Variants in NTAQ1 observed in about 807,000 individuals in gnomAD.
The protein encoded by NTAQ1 is protein N-terminal glutamine amidohydrolase.
In NTAQ1, 21 loss-of-function variants were observed where a neutral mutation model predicts 28.2. The observed-to-expected ratio is 0.74, with a 90% CI of 0.53 to 1.07. The LOEUF is 1.07. Ranked by LOEUF, NTAQ1 falls within the 50% of genes least tolerant of loss-of-function variation. The pLI is 0.00. For missense variants in NTAQ1, 264 were observed against 256.6 expected (o/e 1.03, Z -0.20); for synonymous variants, 105 against 90.0 (o/e 1.17, Z -0.94).
chr8:123,433,277 A>AT (rs112861550), intron 3 of NTAQ1, among the ~76,000 whole-genome samples: 3 of 152,268 alleles, frequency 2.0e-5, no homozygotes, highest in African/African-American at 7.2e-5. Flanking sequence ...AACTTACTAG[A>AT]GAGTTGTGAA....
At chr8:123,459,775 G>A (rs1164291424) in intron 6 of NTAQ1, among the ~76,000 whole-genome samples, 2 of 151,716 alleles carry the variant, frequency 1.3e-5, no homozygotes, top group African/African-American at 2.4e-5. Context: ...CCAGGAACTT[G>A]GGGTGGAGAC....
At chr8:123,448,803 T>A (rs1194602480), downstream of NTAQ1, among the ~76,000 whole-genome samples, 4 of 152,164 alleles carry the variant, frequency 2.6e-5, no homozygotes, top group Non-Finnish European at 5.9e-5. Context: ...AGAAGCCAAA[T>A]GGTCTGTGTT....
At position 123,416,864 on chromosome 8, in the gene NTAQ1, C is replaced by T. The variant is rs900357208; in HGVS notation, c.15C>T (p.Gly5=). The T allele has an allele frequency of 3.9e-6, 6 of 1,530,706 alleles. No homozygotes were observed. In the African/African-American group the frequency reaches 7.1e-5, roughly 18 times the overall value. 94.8% of individuals were successfully genotyped at this position (1,530,706 alleles called of 1,614,324 possible). ...GCTAGCCGGCCATGGAAGGTAATGGCCCCGCTGCTGTCCACTACCAGCCGG... is the reference window on the plus strand; with the variant it reads ...GCTAGCCGGCCATGGAAGGTAATGGTCCCGCTGCTGTCCACTACCAGCCGG... MEGN[G]PAAVHYQPAS... is the part of the protein sequence containing the mutation. The change falls in exon 1 of 6, where the codon GGC becomes GGT. Residue 5 remains glycine, a synonymous_variant. Coordinates refer to ENST00000287387, the MANE Select transcript of NTAQ1 (RefSeq NM_018024.3).
At chr8:123,452,809 A>G (rs953968404), downstream of NTAQ1, among the ~76,000 whole-genome samples, 1 of 152,048 alleles carries the variant, frequency 6.6e-6, no homozygotes, top group Admixed American at 6.6e-5. Context: ...CGGGAGGCTG[A>G]GGCAGGAGAA....
chr8:123,436,628 T>C (rs1814732661), intron 4 of NTAQ1, 27 bp downstream of exon 4: 9 of 1,595,776 alleles, frequency 5.6e-6, no homozygotes, highest in Admixed American at 1.8e-5. Flanking sequence ...TGGATTTACT[T>C]ATTTTCTGAA....
intron 6 of NTAQ1, among the ~76,000 whole-genome samples, chr8:123,456,990 A>G (rs2385216): frequency 0.055 from 8,320 of 152,286 alleles, 354 homozygotes; most frequent in Non-Finnish European, 0.08. Context: ...AGGCTTATCA[A>G]CTGGGGGCTG....
At position 123,430,038 on chromosome 8, in the gene NTAQ1, G is replaced by C. The variant is rs1814304672; in HGVS notation, c.234+5G>C. 6.2e-7 allele frequency: 1 copy of C among 1,611,986 alleles called. No individual in the cohort carries two copies. The highest frequency in any genetic ancestry group is 8.5e-7 in the Non-Finnish European group (1 of 1,178,450). On this transcript the variant is annotated splice_donor_5th_base_variant and intron_variant, in intron 3 of 5. Coordinates refer to ENST00000287387, the MANE Select transcript of NTAQ1 (RefSeq NM_018024.3). ...GGAGATGGACCTGTGATCTGGGTAA[G>C]ACAGTTAATACAGAGAGTATTGACG...
intron 1 of NTAQ1, 71 bp from the exon 2 acceptor site, chr8:123,427,853 A>T: frequency 7.9e-7 from 1 of 1,259,874 alleles, no homozygotes; most frequent in Non-Finnish European, 1.1e-6. Flanking sequence ...TGTCATCATC[A>T]GTATTTTGTT....
chr8:123,435,450 C>T, intron 3 of NTAQ1: 5 of 985,402 alleles, frequency 5.1e-6, no homozygotes, highest in Non-Finnish European at 6.0e-6. Context: ...AGGCTGACCC[C>T]CAGAAGCCTC....
At chr8:123,434,525 T>G (rs796555578) in intron 3 of NTAQ1, among the ~76,000 whole-genome samples, 6 of 152,214 alleles carry the variant, frequency 3.9e-5, no homozygotes, top group African/African-American at 1.2e-4. Context: ...CTCGGGAGGC[T>G]GAGGTGGGAA....
Position 123,464,624 on chromosome 8 carries a change from T to C in NTAQ1, c.373-2455T>C, listed in dbSNP as rs187967947. ...TAGGACCACATATTTAACTTACATA[T>C]TTCCTATGGTTGAGAAATATGTAAC... is the stretch of plus-strand genomic sequence containing the variant. On this transcript the variant is annotated intron_variant, in intron 6 of 6. Transcript: ENST00000650311. 2.0e-5 allele frequency among the ~76,000 whole-genome samples: 3 copies of C among 152,294 alleles called. No homozygotes were observed. The East Asian group carries it at 5.8e-4, about 29-fold the overall frequency.
At chr8:123,440,207 G>A (rs1271796601) in intron 5 of NTAQ1, among the ~76,000 whole-genome samples, 21 of 131,980 alleles carry the variant, frequency 1.6e-4, no homozygotes, top group South Asian at 4.9e-4. Context: ...CCAGGCTGGA[G>A]TGCAGTGGCA....
At chr8:123,430,079 C>T (rs1386830433) in intron 3 of NTAQ1, 46 bp downstream of exon 3, 3 of 1,476,228 alleles carry the variant, frequency 2.0e-6, no homozygotes, top group Non-Finnish European at 2.8e-6. Flanking sequence ...TGACTTGTAA[C>T]CCCTTAGTGT....
chr8:123,427,994 G>T lies in NTAQ1; in HGVS notation c.154G>T (p.Ala52Ser). ...CCAGTATCCTTTAGAAGAATGTTAT[G>T]CTGTCTTCATATCTAATGAGAGGAA... ...HDQYPLEECY[A>S]VFISNERKMI... The change falls in exon 2 of 6, where the codon GCT (alanine) becomes TCT (serine). Residue 52 changes from alanine (A) to serine (S), a missense_variant. Coordinates refer to ENST00000287387, the MANE Select transcript of NTAQ1 (RefSeq NM_018024.3). The T allele has an allele frequency of 6.2e-7, 1 of 1,610,824 alleles. No homozygotes were observed. The highest frequency in any genetic ancestry group is 8.5e-7 in the Non-Finnish European group (1 of 1,179,032).
intron 1 of NTAQ1, 54 bp downstream of exon 1, chr8:123,416,986 C>A (rs959435221): frequency 1.2e-5 from 17 of 1,385,168 alleles, no homozygotes; most frequent in Non-Finnish European, 1.6e-5. Context: ...GGCGGCGAGT[C>A]GCAACCGGGC....
At chr8:123,423,235 C>G in intron 1 of NTAQ1, among the ~76,000 whole-genome samples, 1 of 139,496 alleles carries the variant, frequency 7.2e-6, no homozygotes, top group African/African-American at 3.1e-5. Flanking sequence ...TTCCCTCTCT[C>G]CCTCCTTCCC....
intron 5 of NTAQ1, among the ~76,000 whole-genome samples, chr8:123,440,502 C>CTTTTT (rs554416057): frequency 8.1e-6 from 1 of 123,906 alleles, no homozygotes; most frequent in Non-Finnish European, 1.7e-5. Flanking sequence ...TTCCTTTCTT[C>CTTTTT]TTTTTTTTTT....
At chr8:123,434,960 G>A (rs1309081340) in intron 3 of NTAQ1, among the ~76,000 whole-genome samples, 1 of 152,118 alleles carries the variant, frequency 6.6e-6, no homozygotes, top group Non-Finnish European at 1.5e-5. Context: ...CAGCACTCAG[G>A]CTTTTAAAGG....
At chr8:123,418,257 C>T (rs1813432000) in intron 1 of NTAQ1, among the ~76,000 whole-genome samples, 1 of 152,098 alleles carries the variant, frequency 6.6e-6, no homozygotes, top group African/African-American at 2.4e-5. Context: ...CTGAGACCAG[C>T]CTGGCCGACA....
Sources: gnomAD v4.1 joint callset for allele counts (sites outside exome capture counted in the v4.1 genomes callset) on GRCh38, gnomAD v4.1.1 for gene constraint, MANE v1.5 for transcripts, NCBI Gene and HGNC (gene_info 2026-07-23, HGNC 2026-07-21) for gene names.